The following FHIT variants were observed in gnomAD, a reference collection of about 807,000 sequenced individuals.
FHIT encodes bis(5'-adenosyl)-triphosphatase.
In FHIT, 19 loss-of-function variants were observed where a neutral mutation model predicts 17.9. The ratio of observed to expected loss-of-function variants is 1.06; its 90% CI spans 0.74 to 1.56. FHIT has a LOEUF of 1.56. FHIT is among the 40% of genes most tolerant of loss of function. The probability of loss-of-function intolerance (pLI) is 0.00; values close to 1 mark genes in which losing one functional copy is unlikely to be tolerated. For missense variants in FHIT, 248 were observed against 189.2 expected, an observed-to-expected ratio of 1.31 and a Z score of -1.82; for synonymous variants, 81 against 69.7, an observed-to-expected ratio of 1.16 and a Z score of -0.81.
chr3:60,935,790 G>A (rs1054804668), intron 3 of FHIT, among the ~76,000 whole-genome samples: 4 of 152,174 alleles, frequency 2.6e-5, no homozygotes, highest in Admixed American at 2.6e-4. Context: ...TTCCTAAATA[G>A]AGAGGGGAGT....
chr3:60,312,743 C>T (rs57299646), intron 5 of FHIT, among the ~76,000 whole-genome samples: 13,544 of 152,114 alleles, frequency 0.089, 659 homozygotes, highest in Non-Finnish European at 0.098. Context: ...TTTAACAACG[C>T]CTCCCTGAAG....
At position 60,405,405 on chromosome 3, in the gene FHIT, C is replaced by T. The variant is rs891835179; in HGVS notation, c.103+131455G>A. On this transcript the variant is annotated intron_variant, in intron 5 of 9. Coordinates refer to ENST00000492590, the MANE Select transcript of FHIT (RefSeq NM_002012.4). ...GACCCAGATACATGGGGGACTTTCC[C>T]GCCTTCTGGTAGGGGGACCACCCGC... is the stretch of plus-strand genomic sequence containing the variant. Among the ~76,000 whole-genome samples the T allele has an allele frequency of 5.3e-5, 8 of 152,308 alleles. No homozygotes were observed. The South Asian group carries it at 8.3e-4, about 16-fold the overall frequency.
chr3:60,922,188 G>C (rs530956018), intron 3 of FHIT, among the ~76,000 whole-genome samples: 1 of 152,282 alleles, frequency 6.6e-6, no homozygotes, highest in East Asian at 1.9e-4. Context: ...GAATTTTTGT[G>C]GGGATGCAGC....
intron 4 of FHIT, among the ~76,000 whole-genome samples, chr3:60,560,846 G>C (rs12496920): frequency 3.5e-4 from 40 of 113,110 alleles, no homozygotes; most frequent in Admixed American, 1.0e-3. Flanking sequence ...CACACACACA[G>C]AGAGAGAGAG....
intron 5 of FHIT, among the ~76,000 whole-genome samples, chr3:60,372,220 C>G (rs559031657): frequency 6.6e-6 from 1 of 152,222 alleles, no homozygotes; most frequent in East Asian, 1.9e-4. Flanking sequence ...ATATTCCTAC[C>G]TCCTTCTGTG....
At chr3:61,003,611 G>A (rs999799115) in intron 3 of FHIT, among the ~76,000 whole-genome samples, 6 of 152,128 alleles carry the variant, frequency 3.9e-5, no homozygotes, top group East Asian at 1.9e-4. Context: ...GGTAAAACAC[G>A]ATTACCAGGG....
intron 5 of FHIT, among the ~76,000 whole-genome samples, chr3:60,168,660 G>A (rs893362995): frequency 1.3e-5 from 2 of 152,168 alleles, no homozygotes; most frequent in Admixed American, 6.5e-5. Context: ...AGGAAGAACC[G>A]TGTTTTTGAA....
intron 8 of FHIT, among the ~76,000 whole-genome samples, chr3:59,914,091 A>C (rs1345317623): frequency 1.3e-5 from 2 of 152,258 alleles, no homozygotes; most frequent in Non-Finnish European, 2.9e-5. Context: ...CACCAAAACA[A>C]GTACAAAGAA....
chr3:60,308,492 ATG>A (rs1255195426), intron 5 of FHIT, among the ~76,000 whole-genome samples: 5 of 57,244 alleles, frequency 8.7e-5, no homozygotes, highest in African/African-American at 3.5e-4. Flanking sequence ...GTATAGGTGT[ATG>A]TGTATATATA....
intron 5 of FHIT, among the ~76,000 whole-genome samples, chr3:60,037,444 G>A (rs112801607): frequency 6.1e-5 from 9 of 148,394 alleles, no homozygotes; most frequent in East Asian, 4.0e-4. Flanking sequence ...GTGCAGTGGC[G>A]AAATCTTGGC....
Position 61,168,567 on chromosome 3 carries a change from T to G in FHIT, c.-164+32050A>C, listed in dbSNP as rs570218197. 3.1e-4 allele frequency among the ~76,000 whole-genome samples: 47 copies of G among 152,324 alleles called. 1 individual carries two copies. The South Asian group carries it at 9.5e-3, about 31-fold the overall frequency. Reference sequence around the variant, plus strand: ...TGACAGGGATTTATCACGTCTTAACTTGAGCAATGCTGTGTTCCCACCAGC... The same window carrying G: ...TGACAGGGATTTATCACGTCTTAACGTGAGCAATGCTGTGTTCCCACCAGC... On this transcript the variant is annotated intron_variant, in intron 2 of 9. Transcript: ENST00000492590.
At chr3:60,787,342 C>G (rs1194734095) in intron 4 of FHIT, among the ~76,000 whole-genome samples, 1 of 152,234 alleles carries the variant, frequency 6.6e-6, no homozygotes, top group African/African-American at 2.4e-5. Context: ...GAGCACTGCT[C>G]AAATGTTACA....
At chr3:61,013,903 C>A in intron 3 of FHIT, among the ~76,000 whole-genome samples, 1 of 152,146 alleles carries the variant, frequency 6.6e-6, no homozygotes, top group East Asian at 1.9e-4. Context: ...AAATATATTT[C>A]CCAGTGTCTA....
At chr3:60,637,158 GA>G in intron 4 of FHIT, among the ~76,000 whole-genome samples, 1 of 152,054 alleles carries the variant, frequency 6.6e-6, no homozygotes, top group East Asian at 1.9e-4. Flanking sequence ...GAAAAAAAAA[GA>G]CTCAGCAAAA....
chr3:61,115,125 C>A (rs977206352), intron 2 of FHIT, among the ~76,000 whole-genome samples: 7 of 151,988 alleles, frequency 4.6e-5, no homozygotes, highest in Non-Finnish European at 4.4e-5. Flanking sequence ...GGTGTTGGGG[C>A]TATAACTGTG....
At chr3:60,256,091 G>A (rs1234040730) in intron 5 of FHIT, among the ~76,000 whole-genome samples, 2 of 152,118 alleles carry the variant, frequency 1.3e-5, no homozygotes, top group Admixed American at 6.5e-5. Context: ...CTTGAGCTCT[G>A]TAACCTCCAT....
chr3:60,441,755 A>ATTTATATATATATATATTTGTATTT (rs1559916082), intron 5 of FHIT, among the ~76,000 whole-genome samples: 1 of 96,574 alleles, frequency 1.0e-5, no homozygotes, highest in African/African-American at 3.8e-5. Context: ...TATATATATA[A>ATTTATATATATATATATTTGTATTT]AAATATATAT....
intron 4 of FHIT, among the ~76,000 whole-genome samples, chr3:60,790,617 C>T (rs1559725079): frequency 1.3e-5 from 2 of 151,602 alleles, no homozygotes; most frequent in African/African-American, 2.4e-5. Flanking sequence ...TCCATTACCA[C>T]CACTCCTCTG....
At chr3:59,770,123 T>G (rs531263461) in intron 8 of FHIT, among the ~76,000 whole-genome samples, 11 of 152,206 alleles carry the variant, frequency 7.2e-5, no homozygotes, top group Non-Finnish European at 1.6e-4. Flanking sequence ...AACGAGGGCA[T>G]GATAAGTTCC....
Sources: allele counts gnomAD v4.1 joint callset (sites outside exome capture counted in the v4.1 genomes callset), GRCh38; gene constraint gnomAD v4.1.1; transcripts MANE v1.5; gene names NCBI Gene and HGNC (gene_info 2026-07-23, HGNC 2026-07-21).